NCK1: variants seen among roughly 807,000 people sequenced by gnomAD.
NCK1 encodes the protein NCK adaptor protein 1.
NCK1 carries 19 observed loss-of-function variants against 36.6 expected under a neutral mutation model. The ratio of observed to expected loss-of-function variants is 0.52; its 90% confidence interval spans 0.36 to 0.76. The LOEUF (loss-of-function observed/expected upper bound fraction) is 0.76, where lower values mean the gene tolerates loss of function less well. Ranked by LOEUF, NCK1 falls within the 30% of genes least tolerant of loss-of-function variation. The pLI is 0.00. For synonymous variants in NCK1, 165 were observed against 156.0 expected (o/e 1.06, Z -0.43); for missense variants, 358 against 445.6 (o/e 0.80, Z 1.77).
intron 1 of NCK1, among the ~76,000 whole-genome samples, chr3:136,877,630 T>A (rs1017030044): frequency 6.6e-6 from 1 of 152,174 alleles, no homozygotes; most frequent in Non-Finnish European, 1.5e-5. Context: ...AAGGATACTT[T>A]TAGAAGATTT....
intron 1 of NCK1, among the ~76,000 whole-genome samples, chr3:136,911,850 G>C (rs1179407404): frequency 6.6e-6 from 1 of 151,966 alleles, no homozygotes; most frequent in Non-Finnish European, 1.5e-5. Flanking sequence ...GCCAGTATAG[G>C]ATTCTTAGCT....
intron 1 of NCK1, among the ~76,000 whole-genome samples, chr3:136,892,132 C>T (rs1350340276): frequency 6.6e-6 from 1 of 152,154 alleles, no homozygotes; most frequent in African/African-American, 2.4e-5. Flanking sequence ...AAGGGATCCT[C>T]CTGTCTCAGC....
At chr3:136,941,853 T>C (rs1940687823) in intron 2 of NCK1, among the ~76,000 whole-genome samples, 1 of 152,202 alleles carries the variant, frequency 6.6e-6, no homozygotes, top group South Asian at 2.1e-4. Context: ...TTAGCACTTC[T>C]TTTTTGAGAC....
intron 1 of NCK1, among the ~76,000 whole-genome samples, chr3:136,898,921 T>C (rs1236653042): frequency 1.3e-5 from 2 of 152,196 alleles, no homozygotes. Context: ...GAGAACATAA[T>C]CATAAAATGG....
chr3:136,899,706 C>A, intron 1 of NCK1: 2 of 797,100 alleles, frequency 2.5e-6, no homozygotes, highest in Non-Finnish European at 4.5e-6. Flanking sequence ...ATTAGAGATA[C>A]GAGGAGACTT....
At chr3:136,927,719 C>G (rs142524494) in intron 1 of NCK1, among the ~76,000 whole-genome samples, 2 of 152,142 alleles carry the variant, frequency 1.3e-5, no homozygotes, top group Admixed American at 6.5e-5. Flanking sequence ...TGGGGTTTCA[C>G]CATGTTGGCC....
At chr3:136,947,324 TAAC>T (rs1424194323) in intron 3 of NCK1, among the ~76,000 whole-genome samples, 2 of 152,052 alleles carry the variant, frequency 1.3e-5, no homozygotes, top group African/African-American at 4.8e-5. Flanking sequence ...ATATAGACTG[TAAC>T]AACAACAACA....
Position 136,949,725 on chromosome 3 carries a change from A to G in NCK1, c.*1272A>G, listed in dbSNP as rs1009767523. The G allele has an allele frequency of 1.1e-4, 16 of 152,034 alleles. No homozygotes were observed. The highest frequency in any genetic ancestry group is 8.5e-4 in the Admixed American group (13 of 15,262). The allele number at this position is 152,034 out of a possible 1,614,324, so 9.4% of individuals were successfully genotyped here. ...GAGTAGGATGTCGTATGATACTTTC[A>G]ACAAATTCCCTAATGCTGCCTAAGC... On this transcript the variant is annotated 3_prime_UTR_variant, in exon 4 of 4. Coordinates refer to ENST00000481752, the MANE Select transcript of NCK1 (RefSeq NM_001291999.2).
intron 1 of NCK1, among the ~76,000 whole-genome samples, chr3:136,896,499 A>G (rs543511690): frequency 5.5e-4 from 84 of 152,220 alleles, no homozygotes; most frequent in African/African-American, 1.8e-3. Context: ...ATAGTATCCC[A>G]TTGTGTATAT....
chr3:136,871,859 CTCTCT>C (rs528634531), intron 1 of NCK1, among the ~76,000 whole-genome samples: 16 of 152,300 alleles, frequency 1.1e-4, no homozygotes, highest in Admixed American at 1.3e-4. Flanking sequence ...CCTGCACAAA[CTCTCT>C]TCTCTTATCT....
chr3:136,926,359 C>G (rs1039259320), intron 1 of NCK1, among the ~76,000 whole-genome samples: 1 of 151,952 alleles, frequency 6.6e-6, no homozygotes, highest in Admixed American at 6.6e-5. Context: ...ACTGCAAGCC[C>G]CGCCTCCCGG....
chr3:136,920,296 G>A (rs1473886890), intron 1 of NCK1, among the ~76,000 whole-genome samples: 1 of 150,424 alleles, frequency 6.6e-6, no homozygotes, highest in African/African-American at 2.4e-5. Flanking sequence ...ATCTAATTCT[G>A]TCCACTTTTG....
intron 1 of NCK1, among the ~76,000 whole-genome samples, chr3:136,911,397 C>T (rs920511034): frequency 1.2e-4 from 18 of 152,184 alleles, no homozygotes; most frequent in Admixed American, 2.0e-4. Flanking sequence ...GTTTGCTTTT[C>T]TCTGCATCCT....
intron 1 of NCK1, chr3:136,899,757 C>G: frequency 8.2e-7 from 1 of 1,221,840 alleles, no homozygotes; most frequent in South Asian, 1.2e-5. Flanking sequence ...TTTTTCAACT[C>G]TTTTATCTTG....
intron 2 of NCK1, among the ~76,000 whole-genome samples, chr3:136,936,038 C>CTTT (rs35254283): frequency 7.8e-6 from 1 of 128,230 alleles, no homozygotes; most frequent in Non-Finnish European, 1.6e-5. Context: ...GTCTAAATAA[C>CTTT]TTTTTTTTTT....
At chr3:136,930,531 A>G (rs1940364098) in intron 2 of NCK1, 2 of 1,441,340 alleles carry the variant, frequency 1.4e-6, no homozygotes, top group South Asian at 1.5e-5. Flanking sequence ...TGTGTTAACA[A>G]ACTGACAGAA....
chr3:136,865,440 T>C (rs1415126132), intron 1 of NCK1, among the ~76,000 whole-genome samples: 1 of 151,854 alleles, frequency 6.6e-6, no homozygotes, highest in Non-Finnish European at 1.5e-5. Context: ...CTTTGTACTT[T>C]TACTTTGTCT....
intron 1 of NCK1, among the ~76,000 whole-genome samples, chr3:136,889,484 G>T (rs1398153008): frequency 6.6e-6 from 1 of 152,084 alleles, no homozygotes; most frequent in African/African-American, 2.4e-5. Flanking sequence ...GTAAGCAGTA[G>T]CAAGATTTAT....
chr3:136,866,835 A>C (rs986482606), intron 1 of NCK1, among the ~76,000 whole-genome samples: 9 of 149,934 alleles, frequency 6.0e-5, no homozygotes, highest in African/African-American at 2.2e-4. Flanking sequence ...CTGGTCTTGA[A>C]CTCCCGACCT....
Sources: allele counts gnomAD v4.1 joint callset (sites outside exome capture counted in the v4.1 genomes callset), GRCh38; gene constraint gnomAD v4.1.1; transcripts MANE v1.5; gene names NCBI Gene and HGNC (gene_info 2026-07-23, HGNC 2026-07-21).